ADAM28: variants seen among roughly 807,000 people sequenced by gnomAD.
ADAM28 encodes the protein ADAM metallopeptidase domain 28.
A neutral mutation model predicts 101.2 loss-of-function variants in ADAM28; 105 were observed. The ratio of observed to expected loss-of-function variants is 1.04; its 90% CI spans 0.89 to 1.22. The LOEUF (loss-of-function observed/expected upper bound fraction) is 1.22, where lower values mean the gene tolerates loss of function less well. Among genes scored for constraint, ADAM28 ranks in the 50% most tolerant of loss-of-function variants. ADAM28 has a pLI of 0.00. For synonymous variants in ADAM28, 322 were observed against 310.6 expected, an observed-to-expected ratio of 1.04 and a Z score of -0.39; for missense variants, 1,028 against 945.4, an observed-to-expected ratio of 1.09 and a Z score of -1.15.
At chr8:24,326,506 A>T in intron 9 of ADAM28, 48 bp from the exon 10 acceptor site, 1 of 1,549,856 alleles carries the variant, frequency 6.5e-7, no homozygotes, top group African/African-American at 1.4e-5. Context: ...CTATAAAAAT[A>T]GAGCTTAGCA....
intron 2 of ADAM28, among the ~76,000 whole-genome samples, chr8:24,308,480 G>T (rs1005629425): frequency 6.6e-6 from 1 of 152,188 alleles, no homozygotes; most frequent in African/African-American, 2.4e-5. Flanking sequence ...AAAAGCCATT[G>T]CTGAACAGGA....
chr8:24,308,239 T>C (rs1809967713), intron 2 of ADAM28, among the ~76,000 whole-genome samples: 1 of 152,214 alleles, frequency 6.6e-6, no homozygotes, highest in Non-Finnish European at 1.5e-5. Context: ...AGTACACAAC[T>C]AGAACACACT....
intron 1 of ADAM28, among the ~76,000 whole-genome samples, chr8:24,298,627 C>G (rs1808294191): frequency 2.6e-5 from 4 of 152,136 alleles, no homozygotes. Flanking sequence ...GATTTGAGTA[C>G]TTTAATGAGC....
rs1810288524 is a variant in ADAM28, at chr8:24,310,358, C to T, written c.306+117C>T. ...GCATTTGTAACATTAGTGCTTTTTT[C>T]AGCAGTAGCCATTACTTAAAATATA... On this transcript the variant is annotated intron_variant, in intron 4 of 22. Transcript: ENST00000265769. 5.9e-5 allele frequency: 47 copies of T among 801,036 alleles called. 1 individual carries two copies. The South Asian group carries it at 9.1e-4, about 15-fold the overall frequency. The allele number at this position is 801,036 out of a possible 1,614,324, so 49.6% of individuals were successfully genotyped here.
In ADAM28 at chr8:24,311,392, A is replaced by G. The variant is rs370901194; in HGVS notation, c.338A>G (p.Asn113Ser). 12 of 1,613,098 alleles carry G rather than the reference A, an allele frequency of 7.4e-6. No homozygotes were observed. The African/African-American group carries it at 1.6e-4, about 22-fold the overall frequency. Residue 113 changes from asparagine to serine, a missense_variant, in exon 5 of 23, where the codon AAT becomes AGT. Asn to Ser is a conservative substitution (Grantham distance 46). Transcript: ENST00000265769. Reference sequence around the variant, plus strand: ...TGTTATTATCAAGGACATATTCTTAATGAAAAGGTTTCTGACGCTAGCATC... The same window carrying G: ...TGTTATTATCAAGGACATATTCTTAGTGAAAAGGTTTCTGACGCTAGCATC... ...DDCYYQGHIL[N>S]EKVSDASIST...
intron 13 of ADAM28, 86 bp from the exon 14 acceptor site, chr8:24,335,360 A>G (rs1813884935): frequency 1.4e-6 from 2 of 1,452,464 alleles, no homozygotes; most frequent in African/African-American, 2.9e-5. Flanking sequence ...CAAAAAGTCC[A>G]AATGGAAAAT....
chr8:24,341,001 G>A (rs7018020), intron 15 of ADAM28: 26,707 of 152,150 alleles, frequency 0.18, 2,451 homozygotes, highest in East Asian at 0.35. Flanking sequence ...GCCTTGCAGT[G>A]TCAAGGGAGG....
chr8:24,315,656 T>C lies in ADAM28; in HGVS notation c.576+2076T>C, dbSNP rs529003006. ...CAGAAGGTGTACTGCTTAGTACTTG[T>C]TACAAGCCCAGCATTACCTTTATAC... On this transcript the variant is annotated intron_variant, in intron 6 of 22. Coordinates refer to ENST00000265769, the MANE Select transcript of ADAM28 (RefSeq NM_014265.6). Among the ~76,000 whole-genome samples, 175 of 152,032 alleles carry C rather than the reference T, an allele frequency of 1.2e-3. No homozygotes were observed. The South Asian group carries it at 0.013, about 11-fold the overall frequency.
At position 24,300,084 on chromosome 8, in the gene ADAM28, C is replaced by T; in HGVS notation, c.150+7C>T. The T allele has an allele frequency of 6.2e-7, 1 of 1,606,552 alleles. No homozygotes were observed. The highest frequency in any genetic ancestry group is 1.1e-5 in the South Asian group (1 of 90,104). On this transcript the variant is annotated splice_region_variant and intron_variant, in intron 2 of 22. Transcript: ENST00000265769. ...CAAAGAGCCAGAGCAACAGGTACAG[C>T]TTTTGATTTATCAAAGGATCTTGAT...
intron 7 of ADAM28, 86 bp downstream of exon 7, chr8:24,320,393 G>T: frequency 1.1e-6 from 1 of 891,004 alleles, no homozygotes; most frequent in South Asian, 1.6e-5. Context: ...ATATCTGGAT[G>T]AGATTTAAAG....
In ADAM28 at chr8:24,351,244, C is replaced by T. The variant is rs1585753467; in HGVS notation, c.2112C>T (p.Thr704=). ...KQKKDQRPLS[T]TGTRPHKQKR... is the part of the protein sequence containing the mutation. ...TTCTCTCTTACAGGCCACTATCTAC[C>T]ACTGGCACCAGGCCACACAAACAGA... The change falls in exon 20 of 23, where the codon ACC becomes ACT. Residue 704 remains threonine (T), a synonymous_variant. Transcript: ENST00000265769. 7.5e-6 allele frequency: 12 copies of T among 1,602,312 alleles called. No individual in the cohort carries two copies. Among genetic ancestry groups the T allele is most frequent in the Non-Finnish European group, 1.0e-5 (12 of 1,174,924 alleles).
At chr8:24,347,877 A>T (rs1379793349) in intron 18 of ADAM28, among the ~76,000 whole-genome samples, 1 of 151,738 alleles carries the variant, frequency 6.6e-6, no homozygotes, top group Non-Finnish European at 1.5e-5. Flanking sequence ...ATTTTTCCAT[A>T]TTTTCATTTT....
chr8:24,350,423 C>T (rs1815956497), intron 19 of ADAM28, among the ~76,000 whole-genome samples: 1 of 151,774 alleles, frequency 6.6e-6, no homozygotes, highest in African/African-American at 2.4e-5. Flanking sequence ...AAGTACTTCT[C>T]CTACCTCAGC....
intron 2 of ADAM28, among the ~76,000 whole-genome samples, chr8:24,305,996 C>T (rs749723109): frequency 4.6e-5 from 7 of 152,018 alleles, no homozygotes; most frequent in Admixed American, 2.0e-4. Flanking sequence ...TATCAAAAAC[C>T]GCATGACAGG....
At chr8:24,347,162 C>T (rs1157933779) in intron 18 of ADAM28, 1 of 152,078 alleles carries the variant, frequency 6.6e-6, no homozygotes, top group African/African-American at 2.4e-5. Flanking sequence ...CTGTCAAATA[C>T]TTCCTTATTT....
At chr8:24,322,212 T>C (rs1043343625) in intron 8 of ADAM28, among the ~76,000 whole-genome samples, 7 of 151,916 alleles carry the variant, frequency 4.6e-5, no homozygotes, top group African/African-American at 1.7e-4. Context: ...ATAATCTTGA[T>C]TGGGGGAGAA....
intron 10 of ADAM28, among the ~76,000 whole-genome samples, chr8:24,327,220 A>G (rs541625961): frequency 6.6e-6 from 1 of 152,252 alleles, no homozygotes; most frequent in African/African-American, 2.4e-5. Context: ...GTCAATGTGC[A>G]AAAATCACAA....
intron 4 of ADAM28, among the ~76,000 whole-genome samples, chr8:24,310,998 C>A (rs1448893368): frequency 6.6e-6 from 1 of 152,176 alleles, no homozygotes; most frequent in Non-Finnish European, 1.5e-5. Flanking sequence ...GCTTGTAGAT[C>A]TTTGCTAGAA....
chr8:24,327,875 CTAT>C (rs1467479780), intron 10 of ADAM28, among the ~76,000 whole-genome samples: 2 of 152,044 alleles, frequency 1.3e-5, no homozygotes, highest in African/African-American at 4.8e-5. Flanking sequence ...ATCTATTGTG[CTAT>C]TATTATCATA....
Sources: gnomAD v4.1 joint callset for allele counts (sites outside exome capture counted in the v4.1 genomes callset) on GRCh38, gnomAD v4.1.1 for gene constraint, MANE v1.5 for transcripts, NCBI Gene and HGNC (gene_info 2026-07-23, HGNC 2026-07-21) for gene names.